SLC6A15: variants seen among roughly 807,000 people sequenced by gnomAD.
The protein encoded by SLC6A15 is solute carrier family 6 member 15, also known as sodium-dependent neutral amino acid transporter B(0)AT2.
SLC6A15 carries 33 observed loss-of-function variants against 68.5 expected under a neutral mutation model. That is an observed-to-expected ratio of 0.48 (90% confidence interval 0.37 to 0.64). The LOEUF is 0.64. Ranked by LOEUF, SLC6A15 falls within the 30% of genes least tolerant of loss-of-function variation. The pLI is 0.00. For missense variants in SLC6A15, 747 were observed against 874.3 expected (o/e 0.85, Z 1.84); for synonymous variants, 347 against 301.0 (o/e 1.15, Z -1.58).
Position 84,860,997 on chromosome 12 carries a change from C to A in SLC6A15, c.*635G>T, listed in dbSNP as rs1051009021. The A allele has an allele frequency of 1.3e-5, 2 of 152,132 alleles. No homozygotes were observed. The highest frequency in any genetic ancestry group is 2.9e-5 in the Non-Finnish European group (2 of 68,002). 9.4% of individuals were successfully genotyped at this position (152,132 alleles called of 1,614,324 possible). On this transcript the variant is annotated 3_prime_UTR_variant, in exon 12 of 12. Transcript: ENST00000266682. ...TATTTTACACAAAATATACAGCCAT[C>A]ACTCACATGATTCTCAGTCACCTCT...
rs1872424269 is a variant in SLC6A15, at chr12:84,892,048, AAAG to A, written c.70_72del (p.Leu24del). ...GCATCATCAGCTGCGTCTTCATTGG[AAAG>A]AAGGTCTTTGACAGACTCAGTAACA... On this transcript the variant is annotated inframe_deletion, in exon 2 of 12. Coordinates refer to ENST00000266682, the MANE Select transcript of SLC6A15 (RefSeq NM_182767.6). The A allele has an allele frequency of 6.2e-7, 1 of 1,614,024 alleles. No individual in the cohort carries two copies. The highest frequency in any genetic ancestry group is 1.1e-5 in the South Asian group (1 of 91,068).
intron 9 of SLC6A15, among the ~76,000 whole-genome samples, chr12:84,869,710 A>G (rs1245817291): frequency 1.3e-5 from 2 of 152,090 alleles, no homozygotes; most frequent in Non-Finnish European, 2.9e-5. Context: ...TTTCTCTGAC[A>G]GTTCCATCGT....
chr12:84,873,888 C>A (rs1056604377), intron 6 of SLC6A15, among the ~76,000 whole-genome samples: 1 of 152,132 alleles, frequency 6.6e-6, no homozygotes, highest in Non-Finnish European at 1.5e-5. Context: ...TGAAGAAATT[C>A]ACCTATATTG....
chr12:84,882,419 A>G, intron 5 of SLC6A15: 1 of 968,408 alleles, frequency 1.0e-6, no homozygotes, highest in Non-Finnish European at 1.2e-6. Context: ...TATATTCACA[A>G]ATTCAAAAGA....
intron 1 of SLC6A15, among the ~76,000 whole-genome samples, chr12:84,905,813 A>C (rs1370090703): frequency 6.6e-6 from 1 of 152,342 alleles, no homozygotes; most frequent in South Asian, 2.1e-4. Flanking sequence ...TGTATAAGTC[A>C]CATAAATCAA....
At position 84,885,480 on chromosome 12, in the gene SLC6A15, G is replaced by A. The variant is rs748754682; in HGVS notation, c.529C>T (p.Leu177=). ...ACCAAAGGACACTGATCCCAAGGCA[G>A]GGGTTGCTGAAAAGACTGAGAAAAA... ...FYFSQSFQQP[L]PWDQCPLVKN... The change falls in exon 4 of 12, where the codon CTG becomes TTG. Residue 177 remains leucine, a synonymous_variant. Coordinates refer to ENST00000266682, the MANE Select transcript of SLC6A15 (RefSeq NM_182767.6). 55 of 1,613,564 alleles carry A rather than the reference G, an allele frequency of 3.4e-5. No individual in the cohort carries two copies. In the Middle Eastern group the frequency reaches 5.0e-4, roughly 15 times the overall value.
chr12:84,862,934 C>T (rs895522691), intron 11 of SLC6A15, among the ~76,000 whole-genome samples: 5 of 152,030 alleles, frequency 3.3e-5, no homozygotes, highest in Admixed American at 6.6e-5. Context: ...GGACTATAGC[C>T]GTGTGCTACC....
chr12:84,911,175 G>A (rs555238406), intron 1 of SLC6A15, among the ~76,000 whole-genome samples: 6 of 152,246 alleles, frequency 3.9e-5, no homozygotes, highest in Admixed American at 1.3e-4. Context: ...CAAACACTTT[G>A]TTGCTGGCAC....
chr12:84,907,522 T>A (rs76873902), intron 1 of SLC6A15, among the ~76,000 whole-genome samples: 6,204 of 152,184 alleles, frequency 0.041, 392 homozygotes, highest in African/African-American at 0.14. Context: ...GTTGCTATAT[T>A]CCTATCAGAA....
At chr12:84,863,302 A>T (rs570926617) in intron 11 of SLC6A15, 137 bp downstream of exon 11, 2 of 606,526 alleles carry the variant, frequency 3.3e-6, no homozygotes, top group Non-Finnish European at 5.6e-6. Flanking sequence ...GCACAAACGT[A>T]AATCTCATAT....
intron 1 of SLC6A15, among the ~76,000 whole-genome samples, chr12:84,902,088 T>C (rs1236749078): frequency 2.0e-5 from 3 of 151,886 alleles, no homozygotes; most frequent in Non-Finnish European, 4.4e-5. Context: ...ATAATCTTGA[T>C]GAATAATATG....
chr12:84,891,434 AT>A (rs1451068669), intron 2 of SLC6A15, among the ~76,000 whole-genome samples: 1 of 152,224 alleles, frequency 6.6e-6, no homozygotes, highest in Non-Finnish European at 1.5e-5. Context: ...TTAAGAATTA[AT>A]AAATCACGGA....
intron 10 of SLC6A15, among the ~76,000 whole-genome samples, chr12:84,864,025 C>T (rs1870963321): frequency 6.6e-6 from 1 of 150,454 alleles, no homozygotes; most frequent in South Asian, 2.1e-4. Context: ...GCTATTAATA[C>T]TATTCTATCA....
chr12:84,902,878 T>A (rs1448342189), intron 1 of SLC6A15, among the ~76,000 whole-genome samples: 1 of 151,926 alleles, frequency 6.6e-6, no homozygotes, highest in South Asian at 2.1e-4. Context: ...TATAAAAGAG[T>A]AGCAGGAGAG....
At chr12:84,893,821 A>G (rs1872527749) in intron 1 of SLC6A15, among the ~76,000 whole-genome samples, 1 of 152,196 alleles carries the variant, frequency 6.6e-6, no homozygotes, top group South Asian at 2.1e-4. Flanking sequence ...ATTAAAATAT[A>G]TACCCTAAGA....
chr12:84,870,029 T>G (rs1405197127), intron 9 of SLC6A15, among the ~76,000 whole-genome samples: 1 of 152,014 alleles, frequency 6.6e-6, no homozygotes, highest in Non-Finnish European at 1.5e-5. Flanking sequence ...TAACTACTAG[T>G]AAATTACTAC....
intron 1 of SLC6A15, among the ~76,000 whole-genome samples, chr12:84,892,728 T>G (rs1367096093): frequency 6.6e-6 from 1 of 152,208 alleles, no homozygotes; most frequent in Non-Finnish European, 1.5e-5. Context: ...ATATAATCTC[T>G]TCTGTTCAAA....
chr12:84,900,367 G>A (rs1469196306), intron 1 of SLC6A15, among the ~76,000 whole-genome samples: 2 of 151,672 alleles, frequency 1.3e-5, no homozygotes, highest in East Asian at 3.9e-4. Flanking sequence ...AGATCCCGAG[G>A]GACCTCCACT....
intron 5 of SLC6A15, among the ~76,000 whole-genome samples, chr12:84,877,516 C>G (rs1160388525): frequency 6.6e-6 from 1 of 152,306 alleles, no homozygotes; most frequent in Non-Finnish European, 1.5e-5. Context: ...GGCCACCACT[C>G]TTCCCATGGA....
Sources: allele counts gnomAD v4.1 joint callset (sites outside exome capture counted in the v4.1 genomes callset), GRCh38; gene constraint gnomAD v4.1.1; transcripts MANE v1.5; gene names NCBI Gene and HGNC (gene_info 2026-07-23, HGNC 2026-07-21).